COPG2: variants seen among roughly 807,000 people sequenced by gnomAD.
COPG2 encodes the protein coat protein complex I subunit gamma 2.
COPG2 carries 37 observed loss-of-function variants against 46.3 expected under a neutral mutation model. The observed-to-expected ratio is 0.80, with a 90% CI of 0.61 to 1.05. The LOEUF (loss-of-function observed/expected upper bound fraction) is 1.05, where lower values mean the gene tolerates loss of function less well. COPG2 is among the 50% of genes least tolerant of loss of function. The probability of loss-of-function intolerance (pLI) is 0.00; values close to 1 mark genes in which losing one functional copy is unlikely to be tolerated. For missense variants in COPG2, 427 were observed against 387.8 expected, an observed-to-expected ratio of 1.10 and a Z score of -0.85; for synonymous variants, 159 against 129.7, an observed-to-expected ratio of 1.23 and a Z score of -1.53.
intron 20 of COPG2, chr7:130,509,605 C>A: frequency 2.1e-6 from 1 of 470,270 alleles, no homozygotes; most frequent in Admixed American, 2.2e-5. Context: ...ATCCATTCAT[C>A]CATCCACACA....
intron 4 of COPG2, among the ~76,000 whole-genome samples, chr7:130,654,458 G>GT (rs377124815): frequency 2.0e-5 from 3 of 152,276 alleles, no homozygotes; most frequent in South Asian, 2.1e-4. Context: ...GGAATGAAGA[G>GT]TTTTTAAAAA....
chr7:130,610,080 T>C (rs1794815292), intron 9 of COPG2: 1 of 519,460 alleles, frequency 1.9e-6, no homozygotes, highest in Non-Finnish European at 3.9e-6. Flanking sequence ...CTGACTATTT[T>C]TTTCCCTCTT....
At chr7:130,523,275 C>T (rs1186286856) in intron 20 of COPG2, among the ~76,000 whole-genome samples, 10 of 151,778 alleles carry the variant, frequency 6.6e-5, no homozygotes, top group African/African-American at 2.2e-4. Flanking sequence ...GGGCATGGAC[C>T]CCCAGGCAGG....
At chr7:130,538,442 C>T (rs1362608445) in intron 20 of COPG2, among the ~76,000 whole-genome samples, 1 of 151,998 alleles carries the variant, frequency 6.6e-6, no homozygotes, top group Non-Finnish European at 1.5e-5. Flanking sequence ...AATCAGAGTT[C>T]CCCAAATGGG....
rs1260614713 is a variant in COPG2, at chr7:130,558,863, GA to G, written c.1128+2169del. ...GGGGCAACTAACTGTGTAGTCAATG[GA>G]AAAGGATAAGATTGAATCTGTTTAT... On this transcript the variant is annotated intron_variant, in intron 12 of 23. Coordinates refer to ENST00000425248, the MANE Select transcript of COPG2 (RefSeq NM_012133.6). 2.0e-5 allele frequency among the ~76,000 whole-genome samples: 3 copies of G among 152,120 alleles called. No individual in the cohort carries two copies. In the East Asian group the frequency reaches 5.8e-4, roughly 29 times the overall value.
At chr7:130,662,919 T>C in intron 4 of COPG2, 48 bp downstream of exon 4, 1 of 1,135,608 alleles carries the variant, frequency 8.8e-7, no homozygotes, top group South Asian at 1.4e-5. Context: ...CTGGGGAAAA[T>C]AAATAAAAGG....
intron 17 of COPG2, among the ~76,000 whole-genome samples, chr7:130,549,681 C>T (rs1383267583): frequency 1.3e-5 from 2 of 152,098 alleles, no homozygotes; most frequent in Non-Finnish European, 2.9e-5. Context: ...TTCTCATGAT[C>T]AAAATAGGAA....
At chr7:130,644,524 T>A (rs181966425) in intron 5 of COPG2, among the ~76,000 whole-genome samples, 2 of 152,296 alleles carry the variant, frequency 1.3e-5, no homozygotes, top group Admixed American at 1.3e-4. Flanking sequence ...GTGATCAAGG[T>A]GCTCCATCTA....
chr7:130,606,163 T>C (rs1554451198), intron 9 of COPG2, among the ~76,000 whole-genome samples: 1 of 150,390 alleles, frequency 6.6e-6, no homozygotes, highest in African/African-American at 2.5e-5. Context: ...GAAGCGGAGG[T>C]TGTAGTGAGC....
chr7:130,632,144 G>A, intron 5 of COPG2, among the ~76,000 whole-genome samples: 1 of 152,154 alleles, frequency 6.6e-6, no homozygotes, highest in Non-Finnish European at 1.5e-5. Flanking sequence ...TGTAGAGCAG[G>A]TCTGCTGGTG....
chr7:130,509,247 G>C (rs781839124), intron 20 of COPG2: 21 of 509,306 alleles, frequency 4.1e-5, no homozygotes, highest in Non-Finnish European at 7.8e-5. Flanking sequence ...GTCTTAAATG[G>C]AAAAGCAAGT....
At position 130,616,907 on chromosome 7, in the gene COPG2, T is replaced by C. The variant is rs1011892626; in HGVS notation, c.399+83A>G. The C allele has an allele frequency of 3.7e-6, 3 of 817,872 alleles. No homozygotes were observed. The African/African-American group carries it at 5.2e-5, about 14-fold the overall frequency. The allele number at this position is 817,872 out of a possible 1,614,324, so 50.7% of individuals were successfully genotyped here. On this transcript the variant is annotated intron_variant, in intron 6 of 23. Transcript: ENST00000425248. ...ATACTGAAAATTCACAAAGTCAGACTAGGAAATCCTACTAAATCTACATGG... is the reference window on the plus strand; with the variant it reads ...ATACTGAAAATTCACAAAGTCAGACCAGGAAATCCTACTAAATCTACATGG...
intron 12 of COPG2, among the ~76,000 whole-genome samples, chr7:130,557,817 C>CAAAAAAAAAAAAAAAAAA (rs1382087826): frequency 8.2e-5 from 1 of 12,238 alleles, no homozygotes; most frequent in African/African-American, 4.2e-4. Flanking sequence ...AACTCCATCT[C>CAAAAAAAAAAAAAAAAAA]AAAAAAAAAA....
chr7:130,512,007 G>C (rs1400342273), intron 20 of COPG2: 7 of 428,790 alleles, frequency 1.6e-5, no homozygotes, highest in Non-Finnish European at 3.3e-5. Flanking sequence ...CTGAGGTTGG[G>C]AGTTCAAGAC....
chr7:130,586,049 A>C (rs142896100), intron 9 of COPG2, among the ~76,000 whole-genome samples: 2 of 152,226 alleles, frequency 1.3e-5, no homozygotes, highest in African/African-American at 4.8e-5. Flanking sequence ...TGCAACTGCA[A>C]AATCATGGAA....
At chr7:130,534,969 G>A (rs1799864141) in intron 20 of COPG2, among the ~76,000 whole-genome samples, 1 of 152,218 alleles carries the variant, frequency 6.6e-6, no homozygotes. Flanking sequence ...TGGAGTGGAA[G>A]AGGGGAAGGA....
At chr7:130,592,395 C>CAAA (rs1187335882) in intron 9 of COPG2, among the ~76,000 whole-genome samples, 4 of 74,972 alleles carry the variant, frequency 5.3e-5, no homozygotes, top group African/African-American at 1.2e-4. Flanking sequence ...CAAGAATGAT[C>CAAA]AAAAAAAAAA....
At chr7:130,605,012 G>A (rs1051393873) in intron 9 of COPG2, among the ~76,000 whole-genome samples, 10 of 152,132 alleles carry the variant, frequency 6.6e-5, no homozygotes, top group Non-Finnish European at 1.5e-5. Context: ...CCCATACTGG[G>A]AAATATTTGG....
At chr7:130,575,447 G>A (rs901967719) in intron 9 of COPG2, among the ~76,000 whole-genome samples, 2 of 152,044 alleles carry the variant, frequency 1.3e-5, no homozygotes, top group Admixed American at 1.3e-4. Context: ...GGTATCCAGC[G>A]AAACTAAGCA....
Sources: gnomAD v4.1 joint callset for allele counts (sites outside exome capture counted in the v4.1 genomes callset) on GRCh38, gnomAD v4.1.1 for gene constraint, MANE v1.5 for transcripts, NCBI Gene and HGNC (gene_info 2026-07-23, HGNC 2026-07-21) for gene names.